PHF21B: variants seen among roughly 807,000 people sequenced by gnomAD.
The protein encoded by PHF21B is PHD finger protein 21B.
In PHF21B, 22 loss-of-function variants were observed where a neutral mutation model predicts 62.2. The ratio of observed to expected loss-of-function variants is 0.35; its 90% CI spans 0.25 to 0.51. The LOEUF (loss-of-function observed/expected upper bound fraction) is 0.51. Among genes scored for constraint, PHF21B ranks in the 20% least tolerant of loss-of-function variants. The pLI is 0.97. For synonymous variants in PHF21B, 341 were observed against 314.7 expected (o/e 1.08, Z -0.88); for missense variants, 701 against 707.9 (o/e 0.99, Z 0.11).
chr22:44,883,381 C>T (rs1239822504), intron 12 of PHF21B, 77 bp from the exon 13 acceptor site: 4 of 1,387,582 alleles, frequency 2.9e-6, no homozygotes, highest in South Asian at 1.3e-5. Context: ...CCGTCTGGGC[C>T]CCTCTCCCCT....
chr22:44,981,797 C>T lies in PHF21B; in HGVS notation c.120+26748G>A, dbSNP rs533893709. 1.4e-4 allele frequency among the ~76,000 whole-genome samples: 22 copies of T among 152,326 alleles called. No individual in the cohort carries two copies. In the East Asian group the frequency reaches 2.9e-3, roughly 20 times the overall value. ...CACGCAGGTGTTCTGCTCAAGGACA[C>T]GCTGGGATGACTCTCAGAGTTCTGG... On this transcript the variant is annotated intron_variant, in intron 2 of 12. Transcript: ENST00000313237.
intron 12 of PHF21B, among the ~76,000 whole-genome samples, chr22:44,884,067 A>ATCACCACCACCACCATCACTG: frequency 6.7e-6 from 1 of 148,296 alleles, no homozygotes; most frequent in Admixed American, 6.7e-5. Flanking sequence ...CACCACCACC[A>ATCACCACCACCACCATCACTG]TGATCACCAT....
intron 5 of PHF21B, 81 bp downstream of exon 5, chr22:44,913,741 C>A: frequency 6.7e-7 from 1 of 1,489,168 alleles, no homozygotes; most frequent in Admixed American, 2.2e-5. Context: ...CACAGTGAGG[C>A]CATCCCCGCT....
chr22:44,905,541 G>C (rs2071233282), intron 5 of PHF21B, among the ~76,000 whole-genome samples: 2 of 152,244 alleles, frequency 1.3e-5, no homozygotes, highest in African/African-American at 4.8e-5. Flanking sequence ...TCGAAATGTT[G>C]ATTTCATTGA....
chr22:45,001,129 G>C (rs1455993266), intron 2 of PHF21B: 1 of 152,318 alleles, frequency 6.6e-6, no homozygotes, highest in African/African-American at 2.4e-5. Flanking sequence ...ACCAGCTGGA[G>C]ATGAGCAGGG....
chr22:44,983,638 T>G (rs1193148420), intron 2 of PHF21B, among the ~76,000 whole-genome samples: 1 of 152,174 alleles, frequency 6.6e-6, no homozygotes, highest in African/African-American at 2.4e-5. Context: ...TTAAAAGACA[T>G]AAGTTTGAAA....
intron 5 of PHF21B, among the ~76,000 whole-genome samples, chr22:44,909,048 T>C (rs5765083): frequency 0.31 from 46,880 of 151,844 alleles, 7,748 homozygotes; most frequent in East Asian, 0.63. Flanking sequence ...CCCGCCCACC[T>C]TGGCCTCCCA....
chr22:44,940,250 A>G (rs1438410842), intron 2 of PHF21B, among the ~76,000 whole-genome samples: 1 of 152,194 alleles, frequency 6.6e-6, no homozygotes, highest in African/African-American at 2.4e-5. Flanking sequence ...CCCTCCAGCC[A>G]CCTTAATTAT....
chr22:45,007,150 A>G (rs1054865525), intron 2 of PHF21B, among the ~76,000 whole-genome samples: 1 of 149,908 alleles, frequency 6.7e-6, no homozygotes, highest in Admixed American at 6.6e-5. Context: ...ATTTGTCCCA[A>G]GCCTTCGGTC....
chr22:44,982,244 G>A (rs1204516688), intron 2 of PHF21B, among the ~76,000 whole-genome samples: 1 of 152,198 alleles, frequency 6.6e-6, no homozygotes, highest in Non-Finnish European at 1.5e-5. Flanking sequence ...GTATCTCACT[G>A]CAGGAGTGAA....
chr22:44,927,691 T>G (rs1214819504), intron 2 of PHF21B, among the ~76,000 whole-genome samples: 2 of 152,150 alleles, frequency 1.3e-5, no homozygotes, highest in African/African-American at 4.8e-5. Flanking sequence ...TCCACTTCCC[T>G]ACAAACCTTT....
At chr22:44,906,770 C>A (rs560235873) in intron 5 of PHF21B, among the ~76,000 whole-genome samples, 1 of 152,208 alleles carries the variant, frequency 6.6e-6, no homozygotes, top group Non-Finnish European at 1.5e-5. Context: ...TCCTGCCCCC[C>A]GCTACTGTGC....
intron 2 of PHF21B, among the ~76,000 whole-genome samples, chr22:44,982,704 T>C (rs749880334): frequency 4.7e-4 from 72 of 152,240 alleles, no homozygotes; most frequent in Non-Finnish European, 2.6e-4. Context: ...TGGCAATTAT[T>C]TGTAACAAGG....
chr22:44,960,736 G>A (rs371702791), intron 2 of PHF21B, among the ~76,000 whole-genome samples: 3 of 152,350 alleles, frequency 2.0e-5, no homozygotes, highest in South Asian at 2.1e-4. Context: ...GGCCTGAACA[G>A]AGCAAACTGT....
intron 2 of PHF21B, among the ~76,000 whole-genome samples, chr22:44,962,250 T>C (rs2147421209): frequency 6.6e-6 from 1 of 152,374 alleles, no homozygotes; most frequent in Middle Eastern, 3.4e-3. Context: ...AGCATTCCCT[T>C]TTCTCTGCAG....
chr22:44,929,011 C>A (rs1043973581), intron 2 of PHF21B, among the ~76,000 whole-genome samples: 1 of 129,652 alleles, frequency 7.7e-6, no homozygotes, highest in Non-Finnish European at 1.8e-5. Context: ...CCATGGAAGG[C>A]GGCCTTGCTC....
intron 2 of PHF21B, among the ~76,000 whole-genome samples, chr22:44,957,354 G>A (rs989868982): frequency 2.0e-5 from 3 of 152,232 alleles, no homozygotes; most frequent in African/African-American, 7.2e-5. Context: ...AAGGTACAAA[G>A]CAAATTCCTG....
At chr22:44,897,547 C>T (rs1380309033) in intron 5 of PHF21B, among the ~76,000 whole-genome samples, 12 of 152,030 alleles carry the variant, frequency 7.9e-5, no homozygotes, top group South Asian at 2.1e-4. Context: ...CACTCAAGGC[C>T]GGCCACAGAG....
chr22:44,882,776 G>A lies in PHF21B; in HGVS notation c.*310C>T, dbSNP rs925248392. 1.9e-5 allele frequency: 6 copies of A among 314,346 alleles called. No homozygotes were observed. The highest frequency in any genetic ancestry group is 2.4e-5 in the Non-Finnish European group (4 of 169,970). 19.5% of individuals were successfully genotyped at this position (314,346 alleles called of 1,614,324 possible). A position where few individuals can be genotyped will look rare whatever the true frequency, so the allele number is the denominator to read the frequency against. The stretch of plus-strand genomic sequence containing the variant: ...CCCTCCAACGGGCCAGAGGGAGGCC[G>A]TGGAGAGCAGGGCCTGGAAGCCAGA... On this transcript the variant is annotated 3_prime_UTR_variant, in exon 13 of 13. Transcript: ENST00000313237.
Sources: allele counts gnomAD v4.1 joint callset (sites outside exome capture counted in the v4.1 genomes callset), GRCh38; gene constraint gnomAD v4.1.1; transcripts MANE v1.5; gene names NCBI Gene and HGNC (gene_info 2026-07-23, HGNC 2026-07-21).